Variants in ROBO2 observed in about 807,000 individuals in gnomAD.
ROBO2 encodes the protein roundabout guidance receptor 2, also known as roundabout homolog 2.
In ROBO2, 53 loss-of-function variants were observed where a neutral mutation model predicts 160.8. That is an observed-to-expected ratio of 0.33 (90% CI 0.26 to 0.41). ROBO2 has a LOEUF of 0.41. Among genes scored for constraint, ROBO2 ranks in the 10% least tolerant of loss-of-function variants. ROBO2 has a pLI of 1.00. For missense variants in ROBO2, 1,577 were observed against 1,722.4 expected (o/e 0.92, Z 1.49); for synonymous variants, 664 against 611.7 (o/e 1.09, Z -1.26).
chr3:77,229,467 G>C (rs1331118708), intron 2 of ROBO2, among the ~76,000 whole-genome samples: 2 of 151,888 alleles, frequency 1.3e-5, no homozygotes, highest in African/African-American at 4.8e-5. Context: ...TGGATCACCT[G>C]AGGATAAAAT....
At chr3:76,726,266 TCTGTCTAC>T (rs2093551655) in intron 2 of ROBO2, among the ~76,000 whole-genome samples, 1 of 152,160 alleles carries the variant, frequency 6.6e-6, no homozygotes, top group South Asian at 2.1e-4. Flanking sequence ...TGTGCTGATC[TCTGTCTAC>T]CTGTTCAGTC....
chr3:77,419,601 T>C (rs966884138), intron 2 of ROBO2, among the ~76,000 whole-genome samples: 1 of 152,144 alleles, frequency 6.6e-6, no homozygotes, highest in Non-Finnish European at 1.5e-5. Flanking sequence ...TTCTGCCTTC[T>C]GCAGCAAAAC....
At chr3:77,108,273 C>CATATATATATGTATACACATATGCAT (rs2073103301) in intron 2 of ROBO2, among the ~76,000 whole-genome samples, 1 of 91,770 alleles carries the variant, frequency 1.1e-5, no homozygotes, top group Admixed American at 1.1e-4. Context: ...TACACATATG[C>CATATATATATGTATACACATATGCAT]ATATATATAT....
At chr3:76,422,997 G>A (rs149496724) in intron 2 of ROBO2, among the ~76,000 whole-genome samples, 1,870 of 152,212 alleles carry the variant, frequency 0.012, 21 homozygotes, top group South Asian at 0.05. Flanking sequence ...TGTAGGCGGA[G>A]GTAAGAGTCT....
chr3:77,187,774 T>A (rs1334627408), intron 2 of ROBO2, among the ~76,000 whole-genome samples: 1 of 151,978 alleles, frequency 6.6e-6, no homozygotes, highest in East Asian at 1.9e-4. Flanking sequence ...AATAAAAAAG[T>A]GTATTATGTT....
At position 76,446,715 on chromosome 3, in the gene ROBO2, A is replaced by G. The variant is rs549705640; in HGVS notation, c.109+509113A>G. ...GAGATATAGACCAATGGAACAGAACAGAGCCCTCAGAAATAATACCACACA... is the reference window on the plus strand; with the variant it reads ...GAGATATAGACCAATGGAACAGAACGGAGCCCTCAGAAATAATACCACACA... On this transcript the variant is annotated intron_variant, in intron 2 of 26. Transcript: ENST00000487694. 2.6e-5 allele frequency among the ~76,000 whole-genome samples: 4 copies of G among 152,318 alleles called. No individual in the cohort carries two copies. The South Asian group carries it at 6.2e-4, about 24-fold the overall frequency.
intron 2 of ROBO2, among the ~76,000 whole-genome samples, chr3:77,257,477 C>G (rs2058496471): frequency 6.6e-6 from 1 of 152,138 alleles, no homozygotes; most frequent in Non-Finnish European, 1.5e-5. Flanking sequence ...GCGTTATGGA[C>G]ATGAGTAGGG....
intron 2 of ROBO2, among the ~76,000 whole-genome samples, chr3:76,429,434 G>T (rs2076350760): frequency 6.6e-6 from 1 of 152,074 alleles, no homozygotes; most frequent in South Asian, 2.1e-4. Context: ...TATAATTATT[G>T]GTTCAATAGA....
intron 2 of ROBO2, among the ~76,000 whole-genome samples, chr3:77,192,456 G>A (rs34320812): frequency 0.2 from 29,799 of 151,894 alleles, 3,368 homozygotes; most frequent in Middle Eastern, 0.31. Flanking sequence ...AGCTATTCAA[G>A]TTTGGTCATC....
intron 1 of ROBO2, among the ~76,000 whole-genome samples, chr3:75,909,702 A>G (rs1946485640): frequency 6.6e-6 from 1 of 152,206 alleles, no homozygotes; most frequent in Admixed American, 6.5e-5. Context: ...ACTCACTGTC[A>G]TTTCAACATT....
chr3:76,819,276 G>A (rs953766477), intron 2 of ROBO2, among the ~76,000 whole-genome samples: 4 of 152,100 alleles, frequency 2.6e-5, no homozygotes, highest in Non-Finnish European at 5.9e-5. Flanking sequence ...AATGAGAAGA[G>A]TTAGCAAAGG....
chr3:76,717,592 G>C (rs1052455959), intron 2 of ROBO2, among the ~76,000 whole-genome samples: 1 of 152,058 alleles, frequency 6.6e-6, no homozygotes, highest in Non-Finnish European at 1.5e-5. Flanking sequence ...CGGAATATCA[G>C]CTGAGTTTGG....
At chr3:76,475,609 G>A (rs1033094639) in intron 2 of ROBO2, among the ~76,000 whole-genome samples, 30 of 151,778 alleles carry the variant, frequency 2.0e-4, no homozygotes, top group African/African-American at 5.6e-4. Context: ...GAAATGAACT[G>A]TATGTTACTT....
chr3:77,295,891 GT>G (rs1203485956), intron 2 of ROBO2, among the ~76,000 whole-genome samples: 2 of 147,236 alleles, frequency 1.4e-5, no homozygotes, highest in East Asian at 4.1e-4. Flanking sequence ...AAAATTGACG[GT>G]TAAACGGGTA....
At chr3:76,806,214 CGTGTGTGT>C (rs71104623) in intron 2 of ROBO2, among the ~76,000 whole-genome samples, 19 of 146,168 alleles carry the variant, frequency 1.3e-4, no homozygotes, top group Non-Finnish European at 2.7e-4. Flanking sequence ...TTTCTGTGTG[CGTGTGTGT>C]GTGTGTGTGT....
intron 2 of ROBO2, among the ~76,000 whole-genome samples, chr3:76,814,489 A>G (rs190887180): frequency 3.3e-5 from 5 of 152,270 alleles, no homozygotes; most frequent in African/African-American, 1.2e-4. Context: ...TTTCTGTGAT[A>G]AGTTAAAATG....
intron 2 of ROBO2, among the ~76,000 whole-genome samples, chr3:76,985,255 C>T (rs751494836): frequency 5.9e-5 from 9 of 152,056 alleles, no homozygotes; most frequent in Non-Finnish European, 1.0e-4. Context: ...AAAATATGTG[C>T]TTTAGGAAAA....
chr3:77,362,889 AC>A (rs1381002230), intron 2 of ROBO2, among the ~76,000 whole-genome samples: 5 of 152,044 alleles, frequency 3.3e-5, no homozygotes, highest in African/African-American at 4.8e-5. Context: ...ATCTTGTGAG[AC>A]TTATTCATTA....
intron 2 of ROBO2, among the ~76,000 whole-genome samples, chr3:76,044,100 A>G (rs1159157806): frequency 6.6e-6 from 1 of 152,040 alleles, no homozygotes; most frequent in Non-Finnish European, 1.5e-5. Flanking sequence ...AGAGAATTGT[A>G]TTGTTCTCAT....
Sources: allele counts gnomAD v4.1 joint callset (sites outside exome capture counted in the v4.1 genomes callset), GRCh38; gene constraint gnomAD v4.1.1; transcripts MANE v1.5; gene names NCBI Gene and HGNC (gene_info 2026-07-23, HGNC 2026-07-21).